Variants in TRPM6 observed in about 807,000 individuals in gnomAD.
The protein encoded by TRPM6 is transient receptor potential cation channel subfamily M member 6.
In TRPM6, 111 loss-of-function variants were observed where a neutral mutation model predicts 247.6. The observed-to-expected ratio is 0.45, with a 90% CI of 0.38 to 0.52. TRPM6 has a LOEUF of 0.52. TRPM6 is among the 20% of genes least tolerant of loss of function. The probability of loss-of-function intolerance (pLI) is 0.00; values close to 1 mark genes in which losing one functional copy is unlikely to be tolerated. For missense variants in TRPM6, 2,126 were observed against 2,421.5 expected, an observed-to-expected ratio of 0.88 and a Z score of 2.56; for synonymous variants, 892 against 853.8, an observed-to-expected ratio of 1.04 and a Z score of -0.78.
intron 3 of TRPM6, among the ~76,000 whole-genome samples, chr9:74,850,098 G>A (rs547144332): frequency 1.3e-4 from 20 of 152,360 alleles, no homozygotes; most frequent in Admixed American, 3.3e-4. Flanking sequence ...AGGGCTGGGC[G>A]CAGTGGCTCA....
chr9:74,841,757 G>A (rs1829945253), intron 4 of TRPM6, among the ~76,000 whole-genome samples: 2 of 152,090 alleles, frequency 1.3e-5, no homozygotes, highest in African/African-American at 4.8e-5. Context: ...CACCTGCCTT[G>A]GCCTCCCAGA....
rs573497976 is a variant in TRPM6, at chr9:74,828,135, C to T, written c.670-186G>A. 1.2e-4 allele frequency among the ~76,000 whole-genome samples: 18 copies of T among 152,270 alleles called. No individual in the cohort carries two copies. In the South Asian group the frequency reaches 3.5e-3, roughly 30 times the overall value. Reference sequence around the variant, plus strand: ...TTGGGAAGCCAAGGTGGGCGGATCACAAGGTCAGGAGATAGAGACCAGCCT... The same window carrying T: ...TTGGGAAGCCAAGGTGGGCGGATCATAAGGTCAGGAGATAGAGACCAGCCT... On this transcript the variant is annotated intron_variant, in intron 6 of 38. Transcript: ENST00000360774.
chr9:74,772,617 TCTC>T (rs1220153436), intron 24 of TRPM6, among the ~76,000 whole-genome samples: 2 of 151,268 alleles, frequency 1.3e-5, no homozygotes, highest in African/African-American at 2.4e-5. Flanking sequence ...CTGAGGCAGA[TCTC>T]CTTAAATATT....
Position 74,798,991 on chromosome 9 carries a change from T to C in TRPM6, c.2238+1263A>G, listed in dbSNP as rs77907356. 2.0e-3 allele frequency among the ~76,000 whole-genome samples: 305 copies of C among 152,308 alleles called. 1 individual carries two copies. The highest frequency in any genetic ancestry group is 7.0e-3 in the African/African-American group (290 of 41,572). ...TATTTCTCAAACTACCAGCTATCTA[T>C]ATCTTATCTCACTCCCTGAACATTG... On this transcript the variant is annotated intron_variant, in intron 17 of 38. Coordinates refer to ENST00000360774, the MANE Select transcript of TRPM6 (RefSeq NM_017662.5).
At chr9:74,736,270 G>A (rs1019451579) in intron 36 of TRPM6, among the ~76,000 whole-genome samples, 4 of 152,164 alleles carry the variant, frequency 2.6e-5, no homozygotes, top group South Asian at 2.1e-4. Flanking sequence ...CTAATTCACA[G>A]TGGAACCAGA....
chr9:74,862,233 C>T (rs566298297), intron 1 of TRPM6, among the ~76,000 whole-genome samples: 2 of 152,182 alleles, frequency 1.3e-5, no homozygotes, highest in East Asian at 3.9e-4. Context: ...TTCCGAGAGG[C>T]CTCCATGTTC....
chr9:74,810,899 C>A (rs770202309), intron 12 of TRPM6, 31 bp from the exon 13 acceptor site: 31 of 1,580,284 alleles, frequency 2.0e-5, no homozygotes, highest in Non-Finnish European at 2.6e-5. Context: ...AAGAATTATT[C>A]TCTTTAATTA....
intron 4 of TRPM6, among the ~76,000 whole-genome samples, chr9:74,841,357 T>A (rs1829932559): frequency 6.6e-6 from 1 of 152,110 alleles, no homozygotes; most frequent in South Asian, 2.1e-4. Context: ...TAAGCCAGAT[T>A]TACAGGAAGA....
rs1564001782 is a variant in TRPM6, at chr9:74,761,796, G to A, written c.4685C>T (p.Ser1562Phe). The A allele has an allele frequency of 6.2e-7, 1 of 1,612,596 alleles. No individual in the cohort carries two copies. Residue 1562 changes from serine (S) to phenylalanine (F), a missense_variant, in exon 27 of 39, where the codon TCT becomes TTT. By Grantham distance (155) the Ser-to-Phe change is radical. This residue lies in a region of TRPM6 where 717 missense variants were observed against 715.9 expected (regional missense o/e 1.00). Coordinates refer to ENST00000360774, the MANE Select transcript of TRPM6 (RefSeq NM_017662.5). ...CCATGCTCCCTGCCCTATTTCTGAA[G>A]AGCCTGAAAGATCTGCAAGGAAATG... is the stretch of plus-strand genomic sequence containing the variant. Reference protein sequence around the residue: ...KICKIKNLSGSSEIGQGAWVK... With the variant: ...KICKIKNLSGFSEIGQGAWVK...
rs757202774 is a variant in TRPM6 at position 74,887,835 on chromosome 9, C to G, written c.22G>C (p.Glu8Gln). 1.4e-5 allele frequency: 22 copies of G among 1,614,106 alleles called. No homozygotes were observed. The South Asian group carries it at 2.4e-4, about 18-fold the overall frequency. The change falls in exon 1 of 39, where the codon GAG (glutamate) becomes CAG (glutamine). Residue 8 changes from glutamate (E) to glutamine (Q), a missense_variant. Glu to Gln is a conservative substitution (Grantham distance 29). Transcript: ENST00000360774. MKEQPVL[E>Q]RLQSQKSWIK... ...CAGCCTGAGCTTACCTGCAAGCGCT[C>G]CAAGACAGGTTGTTCTTTCATCTTT... is the stretch of plus-strand genomic sequence containing the variant.
rs1317056029 is a variant in TRPM6 at position 74,762,832 on chromosome 9, G to A, written c.3839C>T (p.Ser1280Phe). The A allele has an allele frequency of 6.2e-7, 1 of 1,614,120 alleles. No individual in the cohort carries two copies. The highest frequency in any genetic ancestry group is 1.7e-5 in the Admixed American group (1 of 60,012). Residue 1280 changes from serine to phenylalanine, a missense_variant, in exon 26 of 39, where the codon TCT becomes TTT. Physicochemically the swap from Ser to Phe is radical, Grantham distance 155. This residue lies in a region of TRPM6 where 717 missense variants were observed against 715.9 expected (regional missense o/e 1.00). Coordinates refer to ENST00000360774, the MANE Select transcript of TRPM6 (RefSeq NM_017662.5). ...EKKYQYYSMP[S>F]SLLRSLAGGR... ...TCCAGCCAGGCTCCTCAGCAAAGAAGAGGGCATGCTATAATACTGGTATTT... is the reference window on the plus strand; with the variant it reads ...TCCAGCCAGGCTCCTCAGCAAAGAAAAGGGCATGCTATAATACTGGTATTT...
chr9:74,853,260 G>A (rs1291354139), intron 3 of TRPM6, among the ~76,000 whole-genome samples: 2 of 151,238 alleles, frequency 1.3e-5, no homozygotes, highest in African/African-American at 2.4e-5. Context: ...CCCGGCAGCC[G>A]CCCCGTCAGG....
intron 27 of TRPM6, among the ~76,000 whole-genome samples, chr9:74,760,449 G>C (rs1432206178): frequency 3.3e-5 from 5 of 152,166 alleles, no homozygotes; most frequent in Admixed American, 2.6e-4. Context: ...TGGTAGGTTA[G>C]ACCATCTAGG....
At chr9:74,725,724 G>A (rs1825295955) in intron 38 of TRPM6, among the ~76,000 whole-genome samples, 2 of 152,152 alleles carry the variant, frequency 1.3e-5, no homozygotes, top group Non-Finnish European at 1.5e-5. Flanking sequence ...TGCCATGATT[G>A]TGAGGCCTCC....
chr9:74,810,847 G>A lies in TRPM6; in HGVS notation c.1465C>T (p.Leu489Phe). ...ACATCTTGGACGAGATGATGCAAGAGTGTATTAGTAGGTCCTTGTTTCTGA... is the reference window on the plus strand; with the variant it reads ...ACATCTTGGACGAGATGATGCAAGAATGTATTAGTAGGTCCTTGTTTCTGA... ...YNTKQGPTNT[L>F]LHHLVQDVKQ... is the part of the protein sequence containing the mutation. Residue 489 changes from leucine to phenylalanine, a missense_variant, in exon 13 of 39, where the codon CTC (leucine) becomes TTC (phenylalanine). Leu to Phe is a conservative substitution (Grantham distance 22). Transcript: ENST00000360774. 1 of 1,613,726 alleles carries A rather than the reference G, an allele frequency of 6.2e-7. No homozygotes were observed. Among genetic ancestry groups the A allele is most frequent in the Non-Finnish European group, 8.5e-7 (1 of 1,179,758 alleles).
chr9:74,776,562 ATC>A (rs1554696348), intron 23 of TRPM6, among the ~76,000 whole-genome samples: 1 of 152,248 alleles, frequency 6.6e-6, no homozygotes, highest in African/African-American at 2.4e-5. Context: ...GAATCAATTC[ATC>A]TTAAAAAACA....
chr9:74,845,500 T>C (rs1043194915), intron 3 of TRPM6, among the ~76,000 whole-genome samples: 4 of 152,134 alleles, frequency 2.6e-5, no homozygotes, highest in Admixed American at 6.5e-5. Flanking sequence ...TGGAAAAACA[T>C]TGAAGACATT....
At chr9:74,741,957 G>C (rs979112763) in intron 33 of TRPM6, among the ~76,000 whole-genome samples, 4 of 152,064 alleles carry the variant, frequency 2.6e-5, no homozygotes, top group African/African-American at 7.2e-5. Flanking sequence ...CTGCCCCCAT[G>C]TGAACAGTGT....
chr9:74,790,862 C>T (rs960094186), intron 19 of TRPM6, among the ~76,000 whole-genome samples: 21 of 152,186 alleles, frequency 1.4e-4, no homozygotes, highest in Admixed American at 1.4e-3. Context: ...TTCCTAAAGG[C>T]TATGTTAAGT....
Sources: gnomAD v4.1 joint callset for allele counts (sites outside exome capture counted in the v4.1 genomes callset) on GRCh38, gnomAD v4.1.1 for gene constraint, gnomAD v4.1.1 regional missense constraint, MANE v1.5 for transcripts, NCBI Gene and HGNC (gene_info 2026-07-23, HGNC 2026-07-21) for gene names.